Variants in C18orf54 observed in about 807,000 individuals in gnomAD.
C18orf54 encodes chromosome 18 open reading frame 54.
In C18orf54, 49 loss-of-function variants were observed where a neutral mutation model predicts 49.3. The ratio of observed to expected loss-of-function variants is 0.99; its 90% confidence interval spans 0.79 to 1.26. The LOEUF (loss-of-function observed/expected upper bound fraction) is 1.26, where lower values mean the gene tolerates loss of function less well. Ranked by LOEUF, C18orf54 falls within the 50% of genes most tolerant of loss-of-function variation. C18orf54 has a pLI of 0.00. For missense variants in C18orf54, 687 were observed against 620.6 expected, an observed-to-expected ratio of 1.11 and a Z score of -1.14; for synonymous variants, 211 against 216.6, an observed-to-expected ratio of 0.97 and a Z score of 0.23.
chr18:54,361,703 T>A lies in C18orf54; in HGVS notation c.344T>A (p.Val115Asp). ...TTCATATCCTGTAGAAGACACACCG[T>A]TAATGACATAGACTCCATGAGCCTA... ...SNFISCRRHT[V>D]NDIDSMSLTT... is the part of the protein sequence containing the mutation. Residue 115 changes from valine to aspartate, a missense_variant, in exon 4 of 9, where the codon GTT (valine) becomes GAT (aspartate). Coordinates refer to ENST00000620105, the MANE Select transcript of C18orf54 (RefSeq NM_001288980.2). 6.2e-7 allele frequency: 1 copy of A among 1,613,854 alleles called. No individual in the cohort carries two copies. Among genetic ancestry groups the A allele is most frequent in the African/African-American group, 1.3e-5 (1 of 75,034 alleles).
intron 3 of C18orf54, 69 bp from the exon 4 acceptor site, chr18:54,361,574 A>G: frequency 7.5e-7 from 1 of 1,333,138 alleles, no homozygotes; most frequent in East Asian, 2.5e-5. Flanking sequence ...TAAATTCTTA[A>G]TTCTCATTTA....
intron 7 of C18orf54, 34 bp downstream of exon 7, chr18:54,372,631 G>T: frequency 6.6e-7 from 1 of 1,521,624 alleles, no homozygotes; most frequent in South Asian, 1.3e-5. Flanking sequence ...ATTGAGATTT[G>T]TGAATTTGTA....
chr18:54,361,318 C>T (rs1224018463), intron 3 of C18orf54, among the ~76,000 whole-genome samples: 3 of 152,138 alleles, frequency 2.0e-5, no homozygotes, highest in Admixed American at 6.5e-5. Context: ...TATGCTGCAA[C>T]CAATATTGAG....
chr18:54,363,020 G>T, intron 5 of C18orf54, 99 bp downstream of exon 5: 1 of 1,165,370 alleles, frequency 8.6e-7, no homozygotes, highest in Non-Finnish European at 1.2e-6. Context: ...TAATAATATT[G>T]TAACTCCATA....
intron 6 of C18orf54, among the ~76,000 whole-genome samples, chr18:54,368,984 C>T (rs2089437825): frequency 6.6e-6 from 1 of 152,004 alleles, no homozygotes; most frequent in African/African-American, 2.4e-5. Context: ...TTTTATATGT[C>T]TGCATTCTTT....
At chr18:54,368,866 CTAAT>C (rs2089435840) in intron 6 of C18orf54, among the ~76,000 whole-genome samples, 1 of 152,088 alleles carries the variant, frequency 6.6e-6, no homozygotes, top group Admixed American at 6.6e-5. Flanking sequence ...TACAGATTCA[CTAAT>C]TTATTTTATT....
chr18:54,366,759 T>C (rs747266405), intron 6 of C18orf54, among the ~76,000 whole-genome samples: 1 of 151,938 alleles, frequency 6.6e-6, no homozygotes, highest in Non-Finnish European at 1.5e-5. Flanking sequence ...TGGTGGCTTA[T>C]ACCTGTAATA....
intron 5 of C18orf54, among the ~76,000 whole-genome samples, chr18:54,364,251 A>G (rs2089334323): frequency 1.3e-5 from 2 of 152,100 alleles, no homozygotes; most frequent in South Asian, 2.1e-4. Flanking sequence ...GTGTATTAAT[A>G]AAGTATCATA....
rs769218374 is a variant in C18orf54, at chr18:54,360,824, G to A, written c.252G>A (p.Gln84=). ...ATGAGGATTTTACTAATATGTCACA[G>A]TTCTGCAACTATATTTACAAACCAA... ...NIDEDFTNMS[Q]FCNYIYKPNN... Residue 84 remains glutamine (Q), a synonymous_variant, in exon 3 of 9, where the codon CAG becomes CAA. Transcript: ENST00000620105. The A allele has an allele frequency of 1.7e-4, 276 of 1,612,474 alleles. No individual in the cohort carries two copies. The highest frequency in any genetic ancestry group is 2.3e-4 in the Non-Finnish European group (271 of 1,179,110).
chr18:54,362,010 G>A lies in C18orf54; in HGVS notation c.651G>A (p.Leu217=). The change falls in exon 4 of 9, where the codon TTG becomes TTA. Residue 217 remains leucine (L), a synonymous_variant. Coordinates refer to ENST00000620105, the MANE Select transcript of C18orf54 (RefSeq NM_001288980.2). ...ATAATTGCATTTCTGAATCATCTTT[G>A]TCTTTTCCCAAGAAATCGTCTTTCA... is the stretch of plus-strand genomic sequence containing the variant. ...RTNNCISESS[L]SFPKKSSFKD... The A allele has an allele frequency of 6.2e-7, 1 of 1,607,380 alleles. No homozygotes were observed. The highest frequency in any genetic ancestry group is 8.5e-7 in the Non-Finnish European group (1 of 1,176,616).
intron 4 of C18orf54, 82 bp from the exon 5 acceptor site, chr18:54,362,689 A>G (rs906021320): frequency 1.6e-5 from 20 of 1,231,032 alleles, no homozygotes; most frequent in Non-Finnish European, 2.3e-5. Flanking sequence ...AATGATCAGA[A>G]CTCTTGTTGA....
intron 6 of C18orf54, among the ~76,000 whole-genome samples, chr18:54,368,807 C>T (rs940030310): frequency 6.6e-5 from 10 of 151,920 alleles, no homozygotes; most frequent in African/African-American, 2.4e-4. Context: ...AACTGAAAAC[C>T]TTGTATAATG....
At chr18:54,377,996 AC>A (rs1478389548) in intron 8 of C18orf54, among the ~76,000 whole-genome samples, 177 bp from the exon 9 acceptor site, 1 of 152,238 alleles carries the variant, frequency 6.6e-6, no homozygotes, top group Non-Finnish European at 1.5e-5. Context: ...AATTATTTTA[AC>A]CCTCAATTAT....
At position 54,362,027 on chromosome 18, in the gene C18orf54, C is replaced by T. The variant is rs777732014; in HGVS notation, c.668C>T (p.Ser223Leu). 9.4e-6 allele frequency: 15 copies of T among 1,592,636 alleles called. No homozygotes were observed. Among genetic ancestry groups the T allele is most frequent in the East Asian group, 6.8e-5 (3 of 43,880 alleles). Residue 223 changes from serine (S) to leucine (L), a missense_variant, in exon 4 of 9, where the codon TCG (serine) becomes TTG (leucine). By Grantham distance (145) the Ser-to-Leu change is moderately radical. Coordinates refer to ENST00000620105, the MANE Select transcript of C18orf54 (RefSeq NM_001288980.2). ...TCATCTTTGTCTTTTCCCAAGAAAT[C>T]GTCTTTCAAGGACAGTTCAGAACAC... ...SESSLSFPKK[S>L]SFKDSSEHSL...
intron 5 of C18orf54, among the ~76,000 whole-genome samples, chr18:54,363,232 A>C (rs1188444725): frequency 6.6e-6 from 1 of 152,090 alleles, no homozygotes; most frequent in Non-Finnish European, 1.5e-5. Flanking sequence ...AGTGTTATGA[A>C]ATTCTTGTTA....
At position 54,379,274 on chromosome 18, in the gene C18orf54, C is replaced by T. The variant is rs1318748184; in HGVS notation, c.*1028C>T. ...CTGAGAATTAAGTCATAAAACATAA[C>T]TAATACAGCACATTACTGCCTGACA... is the stretch of plus-strand genomic sequence containing the variant. On this transcript the variant is annotated 3_prime_UTR_variant, in exon 9 of 9. Transcript: ENST00000620105. 1 of 152,054 alleles carries T rather than the reference C, an allele frequency of 6.6e-6. No homozygotes were observed. Among genetic ancestry groups the T allele is most frequent in the East Asian group, 1.9e-4 (1 of 5,194 alleles). 9.4% of individuals were successfully genotyped at this position (152,054 alleles called of 1,614,324 possible).
Position 54,362,326 on chromosome 18 carries a change from A to C in C18orf54, c.967A>C (p.Ser323Arg). Residue 323 changes from serine (S) to arginine (R), a missense_variant, in exon 4 of 9, where the codon AGT becomes CGT. Physicochemically the swap from Ser to Arg is moderately radical, Grantham distance 110. Coordinates refer to ENST00000620105, the MANE Select transcript of C18orf54 (RefSeq NM_001288980.2). ...FEPSNFSNSLSDDKELVNEYK... is the reference protein window; with the variant it reads ...FEPSNFSNSLRDDKELVNEYK... ...ACCCTCAAACTTTTCAAATTCCTTGAGTGATGATAAAGAATTAGTTAATGA... is the reference window on the plus strand; with the variant it reads ...ACCCTCAAACTTTTCAAATTCCTTGCGTGATGATAAAGAATTAGTTAATGA... 2 of 1,536,078 alleles carry C rather than the reference A, an allele frequency of 1.3e-6. No individual in the cohort carries two copies. The highest frequency in any genetic ancestry group is 1.7e-6 in the Non-Finnish European group (2 of 1,146,806).
Position 54,365,589 on chromosome 18 carries a change from G to T in C18orf54, c.1224-130G>T, listed in dbSNP as rs1158627585. On this transcript the variant is annotated intron_variant, in intron 5 of 8. Coordinates refer to ENST00000620105, the MANE Select transcript of C18orf54 (RefSeq NM_001288980.2). Reference sequence around the variant, plus strand: ...GGGAATTACCATACAACATTAATATGAATCATATCCATGATGATTATTTCT... The same window carrying T: ...GGGAATTACCATACAACATTAATATTAATCATATCCATGATGATTATTTCT... The T allele has an allele frequency of 7.8e-6, 4 of 513,684 alleles. No individual in the cohort carries two copies. In the East Asian group the frequency reaches 1.2e-4, roughly 15 times the overall value. The allele number at this position is 513,684 out of a possible 1,614,324, so 31.8% of individuals were successfully genotyped here. A position where few individuals can be genotyped will look rare whatever the true frequency, so the allele number is the denominator to read the frequency against.
chr18:54,370,334 T>C (rs1200205513), intron 6 of C18orf54, among the ~76,000 whole-genome samples: 1 of 151,938 alleles, frequency 6.6e-6, no homozygotes, highest in Non-Finnish European at 1.5e-5. Flanking sequence ...ACTGTTGACA[T>C]TGTAGTATTT....
Sources: gnomAD v4.1 joint callset for allele counts (sites outside exome capture counted in the v4.1 genomes callset) on GRCh38, gnomAD v4.1.1 for gene constraint, MANE v1.5 for transcripts, NCBI Gene and HGNC (gene_info 2026-07-23, HGNC 2026-07-21) for gene names.